Variants in SLC15A2 observed in about 807,000 individuals in gnomAD.
SLC15A2 encodes solute carrier family 15 member 2, also known as kidney H(+)/peptide cotransporter.
A neutral mutation model predicts 95.5 loss-of-function variants in SLC15A2; 77 were observed. That is an observed-to-expected ratio of 0.81 (90% CI 0.67 to 0.97). The LOEUF (loss-of-function observed/expected upper bound fraction) is 0.97, where lower values mean the gene tolerates loss of function less well. Among genes scored for constraint, SLC15A2 ranks in the 50% least tolerant of loss-of-function variants. SLC15A2 has a pLI of 0.00. For synonymous variants in SLC15A2, 306 were observed against 306.9 expected (o/e 1.00, Z 0.03); for missense variants, 893 against 874.4 (o/e 1.02, Z -0.27).
chr3:121,936,295 G>C (rs1710344987), intron 19 of SLC15A2, among the ~76,000 whole-genome samples: 1 of 152,178 alleles, frequency 6.6e-6, no homozygotes, highest in African/African-American at 2.4e-5. Flanking sequence ...TTGGTGCAGA[G>C]CTGAGTTCAA....
At chr3:121,903,563 A>G (rs1320707143) in intron 3 of SLC15A2, among the ~76,000 whole-genome samples, 3 of 152,136 alleles carry the variant, frequency 2.0e-5, no homozygotes, top group Non-Finnish European at 4.4e-5. Context: ...TCAGCTTTCT[A>G]CATATGGCTA....
rs116307792 is a variant in SLC15A2 at position 121,939,356 on chromosome 3, A to C, written c.1769A>C (p.Asn590Thr). ...AYLFVITNNT[N>T]QGLQAWKIED... ...ATTTTCTCTTTCCCTAAGAACACCA[A>C]TCAGGGTCTTCAGGCCTGGAAGATT... Residue 590 changes from asparagine to threonine, a missense_variant, in exon 20 of 22, where the codon AAT becomes ACT. By Grantham distance (65) the Asn-to-Thr change is moderately conservative (BLOSUM62 0). Coordinates refer to ENST00000489711, the MANE Select transcript of SLC15A2 (RefSeq NM_021082.4). The C allele has an allele frequency of 2.6e-6, 4 of 1,530,706 alleles. No individual in the cohort carries two copies. In the Admixed American group the frequency reaches 6.7e-5, roughly 26 times the overall value. 94.8% of individuals were successfully genotyped at this position (1,530,706 alleles called of 1,614,324 possible).
Position 121,940,930 on chromosome 3 carries a change from C to G in SLC15A2, c.2113C>G (p.Arg705Gly), listed in dbSNP as rs138745887. The change falls in exon 22 of 22, where the codon CGG becomes GGG. Residue 705 changes from arginine to glycine, a missense_variant. Arg to Gly is a moderately radical substitution (Grantham distance 125). Transcript: ENST00000489711. ...TGTTCCTGTAAAGACAGAGGATATG[C>G]GGGGTCCAGCAGATAAGCACATTCC... Reference protein sequence around the residue: ...YYVPVKTEDMRGPADKHIPHI... With the variant: ...YYVPVKTEDMGGPADKHIPHI... 1 of 1,614,090 alleles carries G rather than the reference C, an allele frequency of 6.2e-7. No individual in the cohort carries two copies. The highest frequency in any genetic ancestry group is 1.3e-5 in the African/African-American group (1 of 75,028).
chr3:121,894,792 T>C lies in SLC15A2; in HGVS notation c.105+211T>C, dbSNP rs150652158. On this transcript the variant is annotated intron_variant, in intron 1 of 21. Transcript: ENST00000489711. ...GGAAGAGGTAGTCAAAGTTCTTCAG[T>C]TGGGATCCAGGGACTTGCTGAATTT... 1.2e-4 allele frequency among the ~76,000 whole-genome samples: 18 copies of C among 152,350 alleles called. No homozygotes were observed. The East Asian group carries it at 3.1e-3, about 26-fold the overall frequency.
chr3:121,940,097 C>T (rs1005015142), intron 20 of SLC15A2, among the ~76,000 whole-genome samples: 3 of 152,076 alleles, frequency 2.0e-5, no homozygotes, highest in African/African-American at 7.2e-5. Flanking sequence ...TGAGCTACTG[C>T]GCCCAGTCTG....
intron 19 of SLC15A2, among the ~76,000 whole-genome samples, chr3:121,936,510 C>G (rs1305595906): frequency 2.0e-5 from 3 of 151,656 alleles, no homozygotes; most frequent in Non-Finnish European, 3.0e-5. Flanking sequence ...ATCCCTTTAC[C>G]ATTATGTAAT....
At chr3:121,917,912 A>G (rs1173474294) in intron 7 of SLC15A2, among the ~76,000 whole-genome samples, 27 of 152,166 alleles carry the variant, frequency 1.8e-4, no homozygotes, top group Non-Finnish European at 2.9e-5. Context: ...CAGATTACCT[A>G]AAGCATAAAA....
intron 3 of SLC15A2, among the ~76,000 whole-genome samples, chr3:121,910,343 C>G (rs1180631612): frequency 1.3e-5 from 2 of 152,008 alleles, no homozygotes; most frequent in African/African-American, 4.8e-5. Flanking sequence ...ATTATAGGTG[C>G]ATGTCACCAC....
intron 3 of SLC15A2, among the ~76,000 whole-genome samples, chr3:121,904,272 G>A (rs1438101365): frequency 6.6e-6 from 1 of 152,104 alleles, no homozygotes; most frequent in South Asian, 2.1e-4. Flanking sequence ...GGGTTTTCTA[G>A]ATATACAATC....
rs1361880879 is a variant in SLC15A2 at position 121,897,470 on chromosome 3, CTG to C, written c.278_279del (p.Cys93LeufsTer12). On this transcript the variant is annotated frameshift_variant, in exon 3 of 22. Coordinates refer to ENST00000489711, the MANE Select transcript of SLC15A2 (RefSeq NM_021082.4). LOFTEE classifies it high-confidence loss of function. ...CTATATACCATGCCTTCAGCAGCCT[CTG>C]TTATTTTACTCCCATCCTGGGAGCA... ...TSIYHAFSSLCYFTPILGAAI... is the reference protein window; with the variant it reads ...TSIYHAFSSLXYFTPILGAAI... 1 of 1,614,108 alleles carries C rather than the reference CTG, an allele frequency of 6.2e-7. No homozygotes were observed. Among genetic ancestry groups the C allele is most frequent in the Non-Finnish European group, 8.5e-7 (1 of 1,180,022 alleles).
intron 7 of SLC15A2, among the ~76,000 whole-genome samples, chr3:121,921,183 A>G (rs1187291914): frequency 2.6e-5 from 4 of 152,262 alleles, no homozygotes; most frequent in Admixed American, 2.0e-4. Context: ...AAGTGTTTGT[A>G]TAAATGATGA....
intron 5 of SLC15A2, 64 bp downstream of exon 5, chr3:121,913,184 A>G (rs1709809088): frequency 7.8e-7 from 1 of 1,279,164 alleles, no homozygotes; most frequent in Admixed American, 1.7e-5. Context: ...GGTATCTGGC[A>G]GGTAGCCATT....
rs557684452 is a variant in SLC15A2, at chr3:121,943,843, C to T, written c.*2836C>T. On this transcript the variant is annotated 3_prime_UTR_variant, in exon 22 of 22. Coordinates refer to ENST00000489711, the MANE Select transcript of SLC15A2 (RefSeq NM_021082.4). ...TCTCCTAGGCTACAAACCTGCACAG[C>T]ATGTTACTGTATTAAATGCTGTAGG... 3 of 152,212 alleles carry T rather than the reference C, an allele frequency of 2.0e-5. No individual in the cohort carries two copies. The highest frequency in any genetic ancestry group is 2.9e-5 in the Non-Finnish European group (2 of 68,040). 9.4% of individuals were successfully genotyped at this position (152,212 alleles called of 1,614,324 possible).
chr3:121,937,011 C>T (rs2107611842), intron 19 of SLC15A2, among the ~76,000 whole-genome samples: 1 of 151,714 alleles, frequency 6.6e-6, no homozygotes, highest in African/African-American at 2.4e-5. Context: ...TGTTATTTCT[C>T]CTTCACTTAT....
rs1709805253 is a variant in SLC15A2, at chr3:121,913,028, T to G, written c.436T>G (p.Ser146Ala). The change falls in exon 5 of 22, where the codon TCA becomes GCA. Residue 146 changes from serine to alanine, a missense_variant. Physicochemically the swap from Ser to Ala is moderately conservative, Grantham distance 99. Transcript: ENST00000489711. ...CTCACCTCTCCATTTCAGAGTCCTA[T>G]CATTGATCGGCCTGAGTCTAATAGC... The part of the protein sequence containing the change: ...LGGQVVHTVL[S>A]LIGLSLIALG... 6.2e-7 allele frequency: 1 copy of G among 1,612,810 alleles called. No homozygotes were observed. Among genetic ancestry groups the G allele is most frequent in the Admixed American group, 1.7e-5 (1 of 59,972 alleles).
Position 121,930,905 on chromosome 3 carries a change from G to A in SLC15A2, c.1619G>A (p.Gly540Asp). ...AGTACAGATACCTCTCTCAATGTTG[G>A]TGAAGACTATGGTGTGTCTGCTTAT... Reference protein sequence around the residue: ...SLSTDTSLNVGEDYGVSAYRT... With the variant: ...SLSTDTSLNVDEDYGVSAYRT... Residue 540 changes from glycine (G) to aspartate (D), a missense_variant, in exon 18 of 22, where the codon GGT (glycine) becomes GAT (aspartate). Physicochemically the swap from Gly to Asp is moderately conservative, Grantham distance 94 (BLOSUM62 -1). Coordinates refer to ENST00000489711, the MANE Select transcript of SLC15A2 (RefSeq NM_021082.4). The A allele has an allele frequency of 6.2e-7, 1 of 1,613,624 alleles. No individual in the cohort carries two copies. Among genetic ancestry groups the A allele is most frequent in the Non-Finnish European group, 8.5e-7 (1 of 1,179,572 alleles).
At position 121,929,147 on chromosome 3, in the gene SLC15A2, G is replaced by A; in HGVS notation, c.1506+1G>A. 1 of 1,609,896 alleles carries A rather than the reference G, an allele frequency of 6.2e-7. No individual in the cohort carries two copies. The highest frequency in any genetic ancestry group is 1.7e-4 in the Middle Eastern group (1 of 6,042). ...TGGGAACAGTATCTCCAGCATGATG[G>A]TAATTTGAGGAATTGCCTGTGTTTT... On this transcript the variant is annotated splice_donor_variant, in intron 16 of 21. Coordinates refer to ENST00000489711, the MANE Select transcript of SLC15A2 (RefSeq NM_021082.4). LOFTEE classifies it high-confidence loss of function.
intron 19 of SLC15A2, among the ~76,000 whole-genome samples, chr3:121,935,919 T>G (rs974351702): frequency 6.6e-6 from 1 of 152,236 alleles, no homozygotes; most frequent in African/African-American, 2.4e-5. Context: ...TAAATTTCCT[T>G]CTACACACTG....
intron 5 of SLC15A2, chr3:121,914,886 A>G (rs895125345): frequency 4.4e-6 from 2 of 458,074 alleles, no homozygotes; most frequent in Non-Finnish European, 5.8e-6. Flanking sequence ...CCACAAACAC[A>G]CACATGAAAT....
Sources: gnomAD v4.1 joint callset for allele counts (sites outside exome capture counted in the v4.1 genomes callset) on GRCh38, gnomAD v4.1.1 for gene constraint, MANE v1.5 for transcripts, NCBI Gene and HGNC (gene_info 2026-07-23, HGNC 2026-07-21) for gene names.